The following RSRC1 variants were observed in gnomAD, a reference collection of about 807,000 sequenced individuals.
RSRC1 encodes serine/Arginine-related protein 53.
In RSRC1, 39 loss-of-function variants were observed where a neutral mutation model predicts 49.1. The ratio of observed to expected loss-of-function variants is 0.79; its 90% CI spans 0.61 to 1.04. The LOEUF is 1.04. Ranked by LOEUF, RSRC1 falls within the 50% of genes least tolerant of loss-of-function variation. The pLI is 0.00. For synonymous variants in RSRC1, 143 were observed against 130.8 expected (o/e 1.09, Z -0.63); for missense variants, 388 against 402.4 (o/e 0.96, Z 0.31).
chr3:158,142,972 T>C (rs549441117), intron 3 of RSRC1, among the ~76,000 whole-genome samples: 1 of 152,314 alleles, frequency 6.6e-6, no homozygotes, highest in East Asian at 1.9e-4. Context: ...ATCCTAATAG[T>C]AGATTCAGTA....
chr3:158,157,054 G>A (rs1333797492), intron 3 of RSRC1, among the ~76,000 whole-genome samples: 2 of 152,150 alleles, frequency 1.3e-5, no homozygotes, highest in Admixed American at 6.5e-5. Context: ...ATGCCTGTAC[G>A]TTATTTAGCA....
intron 6 of RSRC1, among the ~76,000 whole-genome samples, chr3:158,428,836 A>G (rs1735608428): frequency 6.6e-6 from 1 of 151,850 alleles, no homozygotes; most frequent in Non-Finnish European, 1.5e-5. Flanking sequence ...GTGGTGTGGT[A>G]GGCTATCTAC....
intron 6 of RSRC1, among the ~76,000 whole-genome samples, chr3:158,421,898 A>C (rs1199801005): frequency 2.6e-5 from 4 of 151,808 alleles, no homozygotes; most frequent in Non-Finnish European, 5.9e-5. Context: ...TAACTTTGAA[A>C]ACAACTGAGC....
At chr3:158,256,338 G>A (rs1328281365) in intron 4 of RSRC1, among the ~76,000 whole-genome samples, 1 of 152,138 alleles carries the variant, frequency 6.6e-6, no homozygotes, top group African/African-American at 2.4e-5. Context: ...TTTGTCGTTG[G>A]TTCTGTTCAT....
intron 6 of RSRC1, among the ~76,000 whole-genome samples, chr3:158,454,314 A>G (rs1737202651): frequency 1.3e-5 from 2 of 152,132 alleles, no homozygotes; most frequent in Non-Finnish European, 2.9e-5. Flanking sequence ...TGGGGGTAAT[A>G]ATTGTAACTA....
chr3:158,118,413 C>CCGTGTGTG (rs1274379257), intron 1 of RSRC1, among the ~76,000 whole-genome samples: 2 of 90,070 alleles, frequency 2.2e-5, no homozygotes, highest in African/African-American at 9.3e-5. Context: ...ACCTGGCCTT[C>CCGTGTGTG]TGTGTGTGTG....
intron 4 of RSRC1, among the ~76,000 whole-genome samples, chr3:158,220,510 G>A (rs895782285): frequency 2.6e-5 from 4 of 151,460 alleles, no homozygotes; most frequent in Non-Finnish European, 5.9e-5. Flanking sequence ...ATTCTTTCGG[G>A]TGCTATTAGT....
chr3:158,196,262 A>G (rs945022827), intron 3 of RSRC1, among the ~76,000 whole-genome samples: 2 of 151,950 alleles, frequency 1.3e-5, no homozygotes, highest in African/African-American at 4.8e-5. Flanking sequence ...CTTTGAAGCA[A>G]TTGTGAATGG....
chr3:158,465,468 G>A (rs578021484), intron 7 of RSRC1, among the ~76,000 whole-genome samples: 108 of 152,168 alleles, frequency 7.1e-4, no homozygotes, highest in African/African-American at 2.6e-3. Context: ...TGTTCCTTCT[G>A]GATACCCTTT....
intron 4 of RSRC1, among the ~76,000 whole-genome samples, chr3:158,205,534 G>A (rs1157129535): frequency 6.6e-6 from 1 of 152,004 alleles, no homozygotes; most frequent in African/African-American, 2.4e-5. Context: ...TCACACAGGT[G>A]GGAATATAAA....
At chr3:158,395,358 G>A (rs1369095566) in intron 6 of RSRC1, among the ~76,000 whole-genome samples, 4 of 152,052 alleles carry the variant, frequency 2.6e-5, no homozygotes, top group Admixed American at 2.6e-4. Context: ...AAGAGCTTCT[G>A]CATAGCAAAA....
chr3:158,174,955 C>G (rs1719113855), intron 3 of RSRC1, among the ~76,000 whole-genome samples: 1 of 152,078 alleles, frequency 6.6e-6, no homozygotes, highest in Admixed American at 6.5e-5. Flanking sequence ...TGAGAGTTCT[C>G]TGTGCTCTAC....
At chr3:158,292,337 A>G (rs894447405) in intron 4 of RSRC1, among the ~76,000 whole-genome samples, 3 of 152,216 alleles carry the variant, frequency 2.0e-5, no homozygotes, top group Non-Finnish European at 2.9e-5. Context: ...ATTATTTAAT[A>G]TTGCAGTCTA....
chr3:158,227,080 A>T (rs1014961382), intron 4 of RSRC1, among the ~76,000 whole-genome samples: 2 of 151,912 alleles, frequency 1.3e-5, no homozygotes, highest in African/African-American at 4.8e-5. Context: ...GGGTTGGTTT[A>T]GCTTTGGAGG....
intron 3 of RSRC1, among the ~76,000 whole-genome samples, chr3:158,191,302 G>A (rs1720228265): frequency 6.6e-6 from 1 of 151,904 alleles, no homozygotes; most frequent in Non-Finnish European, 1.5e-5. Flanking sequence ...TGTTATTTTT[G>A]TTCAATGTGT....
chr3:158,443,181 G>A (rs771860486), intron 6 of RSRC1, among the ~76,000 whole-genome samples: 10 of 152,058 alleles, frequency 6.6e-5, no homozygotes, highest in East Asian at 1.9e-4. Context: ...CACCAGCTGC[G>A]TTAGCCCCTG....
At chr3:158,511,108 G>GT (rs55725154) in intron 7 of RSRC1, among the ~76,000 whole-genome samples, 46,227 of 149,302 alleles carry the variant, frequency 0.31, 7,214 homozygotes, top group South Asian at 0.41. Flanking sequence ...TCATTTGTTG[G>GT]TTTTTTTTTT....
intron 6 of RSRC1, among the ~76,000 whole-genome samples, chr3:158,453,207 C>CTGTGCACACATTTTCAAACTCT (rs1187978941): frequency 1.6e-5 from 2 of 128,934 alleles, no homozygotes; most frequent in African/African-American, 4.9e-5. Context: ...TTTCAAACTC[C>CTGTGCACACATTTTCAAACTCT]TGTGCACACA....
rs564197735 is a variant in RSRC1, at chr3:158,530,931, TAA to T, written c.653-6146_653-6145del. 7.4e-3 allele frequency among the ~76,000 whole-genome samples: 912 copies of T among 123,532 alleles called. 11 individuals carry two copies. The highest frequency in any genetic ancestry group is 0.023 in the African/African-American group (772 of 32,972). The allele number at this position is 123,532 out of a possible 152,430, so 81.0% of individuals were successfully genotyped here. A position where few individuals can be genotyped will look rare whatever the true frequency, so the allele number is the denominator to read the frequency against. The stretch of plus-strand genomic sequence containing the variant: ...TAATAAATAAAAAAAAAAAGAAACT[TAA>T]AAAAAAAAAAAAAACTCACCACTGA... On this transcript the variant is annotated intron_variant, in intron 7 of 9. Transcript: ENST00000611884.
Sources: gnomAD v4.1 joint callset for allele counts (sites outside exome capture counted in the v4.1 genomes callset) on GRCh38, gnomAD v4.1.1 for gene constraint, MANE v1.5 for transcripts, NCBI Gene and HGNC (gene_info 2026-07-23, HGNC 2026-07-21) for gene names.